Variants in ABCC1 observed in about 807,000 individuals in gnomAD.
The protein encoded by ABCC1 is ATP binding cassette subfamily C member 1 (ABCC1 blood group).
Under a neutral mutation model 172.9 loss-of-function variants are expected in ABCC1, and 83 were observed. The observed-to-expected ratio is 0.48, with a 90% confidence interval of 0.40 to 0.58. ABCC1 has a LOEUF of 0.58. Among genes scored for constraint, ABCC1 ranks in the 20% least tolerant of loss-of-function variants. The probability of loss-of-function intolerance (pLI) is 0.00; values close to 1 mark genes in which losing one functional copy is unlikely to be tolerated. For missense variants in ABCC1, 1,817 were observed against 2,002.7 expected, an observed-to-expected ratio of 0.91 and a Z score of 1.77; for synonymous variants, 937 against 825.2, an observed-to-expected ratio of 1.14 and a Z score of -2.32.
chr16:16,047,242 T>G (rs1257964375), intron 9 of ABCC1, among the ~76,000 whole-genome samples: 2 of 152,184 alleles, frequency 1.3e-5, no homozygotes, highest in Non-Finnish European at 2.9e-5. Flanking sequence ...ACCAGACCAG[T>G]GAAATTGCGA....
intron 19 of ABCC1, among the ~76,000 whole-genome samples, chr16:16,093,904 C>T (rs549871435): frequency 2.4e-4 from 37 of 151,280 alleles, no homozygotes; most frequent in African/African-American, 8.5e-4. Context: ...GGGGCCATAC[C>T]GACCTCTCTC....
chr16:16,116,335 A>G (rs975565651), intron 23 of ABCC1, among the ~76,000 whole-genome samples: 1 of 151,434 alleles, frequency 6.6e-6, no homozygotes, highest in African/African-American at 2.4e-5. Context: ...AATCAGCACT[A>G]CTCCCTTATC....
At chr16:16,076,744 T>C (rs1050928470) in intron 15 of ABCC1, among the ~76,000 whole-genome samples, 1 of 152,170 alleles carries the variant, frequency 6.6e-6, no homozygotes, top group Non-Finnish European at 1.5e-5. Context: ...GTCAGAACTT[T>C]CTTCATATTT....
intron 5 of ABCC1, among the ~76,000 whole-genome samples, chr16:16,031,012 TA>T (rs1273533851): frequency 1.6e-4 from 24 of 152,120 alleles, no homozygotes; most frequent in African/African-American, 5.1e-4. Context: ...CACATCCAGC[TA>T]ATTTTTTGTA....
intron 1 of ABCC1, among the ~76,000 whole-genome samples, chr16:15,973,993 G>T (rs1250898387): frequency 6.6e-6 from 1 of 151,998 alleles, no homozygotes; most frequent in Non-Finnish European, 1.5e-5. Flanking sequence ...TCAAAAAAAA[G>T]AATGTGCATA....
At chr16:16,067,540 T>G (rs2050157519) in intron 12 of ABCC1, among the ~76,000 whole-genome samples, 2 of 152,190 alleles carry the variant, frequency 1.3e-5, no homozygotes, top group African/African-American at 4.8e-5. Context: ...AAGCCTATCA[T>G]GACTTCCATT....
intron 1 of ABCC1, among the ~76,000 whole-genome samples, chr16:15,982,711 T>G (rs1404185998): frequency 7.3e-6 from 1 of 137,608 alleles, no homozygotes; most frequent in Non-Finnish European, 1.5e-5. Flanking sequence ...GAGGCTGAGA[T>G]GGGAGGATTG....
At position 16,114,344 on chromosome 16, in the gene ABCC1, AT is replaced by A. The variant is rs1029906186; in HGVS notation, c.3080-409del. Reference sequence around the variant, plus strand: ...CATTATCATCATCATTATTATTACTATTTTTTTTTTTTTGAGACGGAGTCTC... The same window carrying A: ...CATTATCATCATCATTATTATTACTATTTTTTTTTTTTGAGACGGAGTCTC... On this transcript the variant is annotated intron_variant, in intron 22 of 30. Transcript: ENST00000399410. 8.0e-3 allele frequency among the ~76,000 whole-genome samples: 1,164 copies of A among 145,594 alleles called. 12 individuals are homozygous for A. Among genetic ancestry groups the A allele is most frequent in the African/African-American group, 0.023 (909 of 39,878 alleles).
intron 1 of ABCC1, among the ~76,000 whole-genome samples, chr16:15,980,559 G>C (rs1421542274): frequency 6.6e-6 from 1 of 152,106 alleles, no homozygotes; most frequent in African/African-American, 2.4e-5. Flanking sequence ...ATCAGATCTT[G>C]TGAGAACTCA....
At chr16:16,138,771 G>A (rs1288378124) in intron 30 of ABCC1, among the ~76,000 whole-genome samples, 4 of 144,626 alleles carry the variant, frequency 2.8e-5, no homozygotes, top group Non-Finnish European at 5.9e-5. Flanking sequence ...GTGCAGTGGT[G>A]TGATCTCGGC....
chr16:16,012,731 C>A (rs2047838986), intron 3 of ABCC1, among the ~76,000 whole-genome samples: 1 of 150,466 alleles, frequency 6.6e-6, no homozygotes, highest in Admixed American at 6.6e-5. Flanking sequence ...TCTTTTTTCC[C>A]AGGCGCAATG....
chr16:16,110,047 G>A (rs2052317499), intron 21 of ABCC1, among the ~76,000 whole-genome samples: 1 of 151,762 alleles, frequency 6.6e-6, no homozygotes, highest in Admixed American at 6.6e-5. Flanking sequence ...CCTACCTCAG[G>A]GCCTTTGCAC....
At chr16:16,039,095 A>T (rs1331801040) in intron 7 of ABCC1, among the ~76,000 whole-genome samples, 1 of 152,018 alleles carries the variant, frequency 6.6e-6, no homozygotes, top group African/African-American at 2.4e-5. Flanking sequence ...GACATTCTAT[A>T]TGGGAGACAG....
At chr16:15,980,869 C>T (rs2046605817) in intron 1 of ABCC1, among the ~76,000 whole-genome samples, 1 of 152,180 alleles carries the variant, frequency 6.6e-6, no homozygotes, top group Non-Finnish European at 1.5e-5. Flanking sequence ...CAAGTCCCTT[C>T]TGCCTATTAG....
chr16:16,077,082 G>A (rs1047908563), intron 15 of ABCC1, among the ~76,000 whole-genome samples: 1 of 152,124 alleles, frequency 6.6e-6, no homozygotes, highest in African/African-American at 2.4e-5. Flanking sequence ...TGATGTCTAG[G>A]AAATTGACCT....
chr16:16,124,400 T>TGTGTGGGTGTGTGTGG (rs142895934), intron 24 of ABCC1, among the ~76,000 whole-genome samples: 4 of 130,396 alleles, frequency 3.1e-5, no homozygotes, highest in Non-Finnish European at 6.6e-5. Flanking sequence ...TGTGTGTGTG[T>TGTGTGGGTGTGTGTGG]GTGTGTGTGT....
In ABCC1 at chr16:16,134,473, C is replaced by G; in HGVS notation, c.4090C>G (p.His1364Asp). The G allele has an allele frequency of 1.9e-6, 3 of 1,614,180 alleles. No individual in the cohort carries two copies. The highest frequency in any genetic ancestry group is 2.5e-6 in the Non-Finnish European group (3 of 1,180,034). ...DGINIAKIGL[H>D]DLRFKITIIP... ...CATCAACATCGCCAAGATCGGCCTGCACGACCTCCGCTTCAAGATCACCAT... is the reference window on the plus strand; with the variant it reads ...CATCAACATCGCCAAGATCGGCCTGGACGACCTCCGCTTCAAGATCACCAT... The change falls in exon 28 of 31, where the codon CAC becomes GAC. Residue 1364 changes from histidine (H) to aspartate (D), a missense_variant. This residue lies in a region of ABCC1 where 1,412 missense variants were observed against 1,600.3 expected (regional missense o/e 0.88). Coordinates refer to ENST00000399410, the MANE Select transcript of ABCC1 (RefSeq NM_004996.4).
intron 1 of ABCC1, among the ~76,000 whole-genome samples, chr16:15,956,940 T>C (rs1489360110): frequency 6.6e-6 from 1 of 152,154 alleles, no homozygotes; most frequent in African/African-American, 2.4e-5. Flanking sequence ...AATAAATGAA[T>C]GACATGAAGT....
chr16:15,968,246 C>T (rs527278202), intron 1 of ABCC1, among the ~76,000 whole-genome samples: 127 of 152,196 alleles, frequency 8.3e-4, no homozygotes, highest in African/African-American at 2.8e-3. Context: ...GTTAGCCAGG[C>T]TGGTCTCGAA....
Sources: allele counts gnomAD v4.1 joint callset (sites outside exome capture counted in the v4.1 genomes callset), GRCh38; gene constraint gnomAD v4.1.1; regional missense constraint gnomAD v4.1.1; transcripts MANE v1.5; gene names NCBI Gene and HGNC (gene_info 2026-07-23, HGNC 2026-07-21).